The following FANCB variants were observed in gnomAD, a reference collection of about 807,000 sequenced individuals.
The protein encoded by FANCB is Fanconi anemia group B protein.
FANCB carries 5 observed loss-of-function variants against 38.9 expected under a neutral mutation model. The ratio of observed to expected loss-of-function variants is 0.13; its 90% CI spans 0.07 to 0.27. FANCB has a LOEUF of 0.27. FANCB is among the 10% of genes least tolerant of loss of function. The pLI is 1.00. For synonymous variants in FANCB, 236 were observed against 215.4 expected, an observed-to-expected ratio of 1.10 and a Z score of -0.84; for missense variants, 573 against 602.7, an observed-to-expected ratio of 0.95 and a Z score of 0.52.
downstream of FANCB, among the ~76,000 whole-genome samples, chrX:14,835,765 G>C (rs1248928406): frequency 8.9e-6 from 1 of 111,872 alleles, no homozygotes; most frequent in Non-Finnish European, 1.9e-5. Flanking sequence ...CAAAAGAACA[G>C]AAAATAACAA....
At chrX:14,858,935 G>T (rs887831492) in intron 4 of FANCB, among the ~76,000 whole-genome samples, 4 of 110,983 alleles carry the variant, frequency 3.6e-5, no homozygotes, top group African/African-American at 9.8e-5. Context: ...TTATAGTACT[G>T]CTGTCACTTA....
At chrX:14,852,307 T>C (rs2092404892) in intron 6 of FANCB, among the ~76,000 whole-genome samples, 1 of 109,912 alleles carries the variant, frequency 9.1e-6, no homozygotes, top group Admixed American at 9.7e-5. Flanking sequence ...TAGCTGGGAT[T>C]ACAGGCACGA....
At chrX:14,812,005 G>A in the FANCB span, among the ~76,000 whole-genome samples, 1 of 111,870 alleles carries the variant, frequency 8.9e-6, no homozygotes, top group South Asian at 3.7e-4. Flanking sequence ...TCAGGATTAA[G>A]AAACTCATTC....
Position 14,844,836 on chromosome X carries a change from A to T in FANCB, c.1927+20T>A. ...TCTAATTCAATTAAATATATAATCTAAAAGTGCCAACAAAATTACCTATAG... is the reference window on the plus strand; with the variant it reads ...TCTAATTCAATTAAATATATAATCTTAAAGTGCCAACAAAATTACCTATAG... On this transcript the variant is annotated intron_variant, in intron 8 of 9. Coordinates refer to ENST00000650831, the MANE Select transcript of FANCB (RefSeq NM_001018113.3). 8.4e-7 allele frequency: 1 copy of T among 1,186,864 alleles called. No homozygotes were observed. The highest frequency in any genetic ancestry group is 2.4e-4 in the Middle Eastern group (1 of 4,236).
chrX:14,834,664 GTT>G (rs761556172), downstream of FANCB: 1 of 624,700 alleles, frequency 1.6e-6, no homozygotes, highest in African/African-American at 2.2e-5. Flanking sequence ...GTTTTTTCCT[GTT>G]TTTTGAAGGA....
the FANCB span, among the ~76,000 whole-genome samples, chrX:14,736,131 C>T: frequency 9.0e-6 from 1 of 111,487 alleles, no homozygotes; most frequent in Non-Finnish European, 1.9e-5. Flanking sequence ...GCTGTGCTGG[C>T]ATTGAGAATT....
intron 1 of FANCB, among the ~76,000 whole-genome samples, chrX:14,871,144 T>C (rs1254523390): frequency 9.0e-6 from 1 of 111,211 alleles, no homozygotes; most frequent in Non-Finnish European, 1.9e-5. Flanking sequence ...CGTGATCAAC[T>C]AAATTAGAGG....
the FANCB span, among the ~76,000 whole-genome samples, chrX:14,776,778 T>C: frequency 1.8e-5 from 2 of 112,676 alleles, no homozygotes; most frequent in Non-Finnish European, 3.7e-5. Context: ...TGGGTACTAT[T>C]AGCAAGAGAG....
At chrX:14,775,160 G>GTTTTTTTTTT in the FANCB span, among the ~76,000 whole-genome samples, 2 of 35,001 alleles carry the variant, frequency 5.7e-5, no homozygotes, top group African/African-American at 8.8e-5. Context: ...TTTCTCTAAT[G>GTTTTTTTTTT]TTTTTTTTTT....
At chrX:14,700,273 T>A in the FANCB span, among the ~76,000 whole-genome samples, 2 of 107,564 alleles carry the variant, frequency 1.9e-5, no homozygotes, top group African/African-American at 3.4e-5. Context: ...GTGTACAGAG[T>A]GAGAAGAGAA....
At chrX:14,802,448 G>A in the FANCB span, among the ~76,000 whole-genome samples, 6,689 of 111,542 alleles carry the variant, frequency 0.06, 247 homozygotes, top group African/African-American at 0.12. Context: ...ACATTATTCT[G>A]TAGTTATGGG....
intron 10 of FANCB, chrX:14,836,376 T>C (rs908304574): frequency 8.9e-6 from 1 of 112,040 alleles, no homozygotes; most frequent in Admixed American, 9.5e-5. Flanking sequence ...TATTGAACTA[T>C]ATGCTTAAAA....
the FANCB span, among the ~76,000 whole-genome samples, chrX:14,721,939 A>T: frequency 9.0e-6 from 1 of 111,382 alleles, no homozygotes; most frequent in Admixed American, 9.6e-5. Flanking sequence ...ACTTTTCCCC[A>T]TCCTCCAGCT....
the FANCB span, among the ~76,000 whole-genome samples, chrX:14,725,103 C>T: frequency 8.9e-6 from 1 of 111,881 alleles, no homozygotes; most frequent in Admixed American, 9.5e-5. Context: ...CATAACTTTT[C>T]TTGGCCTCAG....
At position 14,864,551 on chromosome X, in the gene FANCB, G is replaced by A. The variant is rs1226558033; in HGVS notation, c.951+9C>T. 1 of 1,048,856 alleles carries A rather than the reference G, an allele frequency of 9.5e-7. No individual in the cohort carries two copies. The highest frequency in any genetic ancestry group is 1.3e-6 in the Non-Finnish European group (1 of 748,202). The allele number at this position is 1,048,856 out of a possible 1,213,427, so 86.4% of individuals were successfully genotyped here. ...ACCAACTGAATTATTATTACAATAA[G>A]TGTTGTACCTGAAAGCTCTCTTTCC... On this transcript the variant is annotated intron_variant, in intron 3 of 9. Coordinates refer to ENST00000650831, the MANE Select transcript of FANCB (RefSeq NM_001018113.3).
chrX:14,701,771 G>A, the FANCB span, among the ~76,000 whole-genome samples: 2 of 112,474 alleles, frequency 1.8e-5, no homozygotes, highest in Non-Finnish European at 3.8e-5. Context: ...AAATTTAGTT[G>A]AAGTTCTAGT....
At chrX:14,862,399 G>A (rs1344886563) in intron 3 of FANCB, 1 of 111,264 alleles carries the variant, frequency 9.0e-6, no homozygotes, top group African/African-American at 3.3e-5. Flanking sequence ...CCATTGTAGA[G>A]AGAGTGCACT....
the FANCB span, among the ~76,000 whole-genome samples, chrX:14,721,634 A>G: frequency 9.0e-6 from 1 of 111,485 alleles, no homozygotes; most frequent in Non-Finnish European, 1.9e-5. Flanking sequence ...AGGTTTTAAC[A>G]AAGAATCGTA....
At position 14,864,588 on chromosome X, in the gene FANCB, G is replaced by A. The variant is rs1242186487; in HGVS notation, c.923C>T (p.Ala308Val). The change falls in exon 3 of 10, where the codon GCT (alanine) becomes GTT (valine). Residue 308 changes from alanine to valine, a missense_variant. Ala to Val is a moderately conservative substitution (Grantham distance 64). Coordinates refer to ENST00000650831, the MANE Select transcript of FANCB (RefSeq NM_001018113.3). ...AAAGCTCTCTTTCCATACAGCACAAGCATTATTGGATATAAAGGATACAAC... is the reference window on the plus strand; with the variant it reads ...AAAGCTCTCTTTCCATACAGCACAAACATTATTGGATATAAAGGATACAAC... ...FFVVSFISNN[A>V]CAVWKESFQV... 1 of 1,192,822 alleles carries A rather than the reference G, an allele frequency of 8.4e-7. No homozygotes were observed.
Sources: gnomAD v4.1 joint callset for allele counts (sites outside exome capture counted in the v4.1 genomes callset) on GRCh38, gnomAD v4.1.1 for gene constraint, MANE v1.5 for transcripts, NCBI Gene and HGNC (gene_info 2026-07-23, HGNC 2026-07-21) for gene names.